The following TMEM42 variants were observed in gnomAD, a reference collection of about 807,000 sequenced individuals.
TMEM42 encodes the protein transmembrane protein 42.
TMEM42 carries 8 observed loss-of-function variants against 14.0 expected under a neutral mutation model. That is an observed-to-expected ratio of 0.57 (90% CI 0.34 to 1.03). The LOEUF (loss-of-function observed/expected upper bound fraction) is 1.03. Among genes scored for constraint, TMEM42 ranks in the 50% least tolerant of loss-of-function variants. TMEM42 has a pLI of 0.03. For synonymous variants in TMEM42, 115 were observed against 94.3 expected (o/e 1.22, Z -1.27); for missense variants, 211 against 219.8 (o/e 0.96, Z 0.25).
At chr3:44,864,864 C>A (rs1435063389) in intron 2 of TMEM42, among the ~76,000 whole-genome samples, 176 bp from the exon 3 acceptor site, 2 of 152,150 alleles carry the variant, frequency 1.3e-5, no homozygotes, top group Non-Finnish European at 2.9e-5. Flanking sequence ...CCTCTCCACT[C>A]ATGCAGGGGA....
intron 1 of TMEM42, 87 bp from the exon 2 acceptor site, chr3:44,864,110 A>C (rs955362109): frequency 1.2e-5 from 18 of 1,563,650 alleles, no homozygotes; most frequent in Non-Finnish European, 1.6e-5. Context: ...CCTGGGTGCC[A>C]GCAACCACAG....
In TMEM42 at chr3:44,861,912, G is replaced by A. The variant is rs1012019453; in HGVS notation, c.-13G>A. 2.0e-6 allele frequency: 3 copies of A among 1,482,996 alleles called. No homozygotes were observed. The highest frequency in any genetic ancestry group is 2.7e-6 in the Non-Finnish European group (3 of 1,120,600). 91.9% of individuals were successfully genotyped at this position (1,482,996 alleles called of 1,614,324 possible). ...GCGGGCAGCGGGTGCCAGGCACGGT[G>A]TCAGCAGGCAACATGGCCGAGAGGC... On this transcript the variant is annotated 5_prime_UTR_variant, in exon 1 of 3. Transcript: ENST00000302392.
rs778595547 is a variant in TMEM42, at chr3:44,862,080, G to GGCCGCC, written c.160_165dup (p.Ala54_Ala55dup). On this transcript the variant is annotated inframe_insertion, in exon 1 of 3. Coordinates refer to ENST00000302392, the MANE Select transcript of TMEM42 (RefSeq NM_144638.3). ...TGTGCGCCGGCGCGTTCGGGGCCCT[G>GGCCGCC]GCCGCCGCCTCCGCCAAGCTGGCCT... The GGCCGCC allele has an allele frequency of 3.1e-6, 4 of 1,297,938 alleles. No individual in the cohort carries two copies. In the South Asian group the frequency reaches 1.1e-4, roughly 35 times the overall value. The allele number at this position is 1,297,938 out of a possible 1,614,324, so 80.4% of individuals were successfully genotyped here.
At chr3:44,864,024 C>A (rs1699292761) in intron 1 of TMEM42, 173 bp from the exon 2 acceptor site, 5 of 646,192 alleles carry the variant, frequency 7.7e-6, no homozygotes, top group Middle Eastern at 4.4e-4. Context: ...GGGTCTGCTG[C>A]CCACTGAGGG....
In TMEM42 at chr3:44,861,964, G is replaced by C. The variant is rs1480331391; in HGVS notation, c.40G>C (p.Ala14Pro). The change falls in exon 1 of 3, where the codon GCG becomes CCG. Residue 14 changes from alanine to proline, a missense_variant. Ala to Pro is a conservative substitution (Grantham distance 27). Coordinates refer to ENST00000302392, the MANE Select transcript of TMEM42 (RefSeq NM_144638.3). ...GGGGCCTCCGGGCGGCGCCGTGTCC[G>C]CGACCGCGTACCCTGACACCCCCGC... ...RPGPPGGAVSATAYPDTPAEF... is the reference protein window; with the variant it reads ...RPGPPGGAVSPTAYPDTPAEF... The C allele has an allele frequency of 7.1e-7, 1 of 1,399,812 alleles. No homozygotes were observed. The highest frequency in any genetic ancestry group is 3.0e-5 in the East Asian group (1 of 32,894). 86.7% of individuals were successfully genotyped at this position (1,399,812 alleles called of 1,614,324 possible). A position where few individuals can be genotyped will look rare whatever the true frequency, so the allele number is the denominator to read the frequency against.
chr3:44,864,715 G>A (rs1163305551), intron 2 of TMEM42, among the ~76,000 whole-genome samples: 3 of 152,152 alleles, frequency 2.0e-5, no homozygotes, highest in African/African-American at 7.2e-5. Context: ...GTAGTCTGAG[G>A]TTGACAAGAT....
chr3:44,865,234 G>T lies in TMEM42; in HGVS notation c.*54G>T. ...AAGATCATGATGGTGGCCCAGCCTT[G>T]GGATGTCATGTGGGACTGTATCCTA... On this transcript the variant is annotated 3_prime_UTR_variant, in exon 3 of 3. Coordinates refer to ENST00000302392, the MANE Select transcript of TMEM42 (RefSeq NM_144638.3). 6.2e-7 allele frequency: 1 copy of T among 1,611,128 alleles called. No individual in the cohort carries two copies. Among genetic ancestry groups the T allele is most frequent in the Non-Finnish European group, 8.5e-7 (1 of 1,177,654 alleles).
At position 44,865,415 on chromosome 3, in the gene TMEM42, G is replaced by A. The variant is rs534499420; in HGVS notation, c.*235G>A. 2 of 528,402 alleles carry A rather than the reference G, an allele frequency of 3.8e-6. No homozygotes were observed. The highest frequency in any genetic ancestry group is 6.0e-5 in the East Asian group (2 of 33,452). The allele number at this position is 528,402 out of a possible 1,614,324, so 32.7% of individuals were successfully genotyped here. ...CAGTGCTTTGGATTCTTCCTCCCAG[G>A]CCTACCCCAGTGAGCCTTCGCAGAT... is the stretch of plus-strand genomic sequence containing the variant. On this transcript the variant is annotated 3_prime_UTR_variant, in exon 3 of 3. Transcript: ENST00000302392.
rs1699305826 is a variant in TMEM42 at position 44,865,030 on chromosome 3, T to C, written c.340-10T>C. The C allele has an allele frequency of 6.2e-7, 1 of 1,613,952 alleles. No homozygotes were observed. Among genetic ancestry groups the C allele is most frequent in the East Asian group, 2.2e-5 (1 of 44,874 alleles). On this transcript the variant is annotated splice_polypyrimidine_tract_variant and intron_variant, in intron 2 of 2. Coordinates refer to ENST00000302392, the MANE Select transcript of TMEM42 (RefSeq NM_144638.3). ...AAGTTGAGTCCCTCACAGCTATCTT[T>C]GTCTCGCAGGCCTTCCTGGGCTATG...
In TMEM42 at chr3:44,864,190, C is replaced by T; in HGVS notation, c.193-7C>T. The T allele has an allele frequency of 6.2e-7, 1 of 1,613,742 alleles. No homozygotes were observed. The highest frequency in any genetic ancestry group is 8.5e-7 in the Non-Finnish European group (1 of 1,179,962). On this transcript the variant is annotated splice_polypyrimidine_tract_variant and splice_region_variant and intron_variant, in intron 1 of 2. Transcript: ENST00000302392. ...GGACGTGGCTGCAGTGACACTTTCT[C>T]CTGCAGGTGAGCATGGGTTTATGCG...
At chr3:44,862,945 A>G (rs1300188696) in intron 1 of TMEM42, 9 of 152,046 alleles carry the variant, frequency 5.9e-5, no homozygotes, top group Non-Finnish European at 1.3e-4. Context: ...ATAACTTTGT[A>G]TGGGCCGTGA....
intron 1 of TMEM42, chr3:44,862,757 C>T (rs1195134000): frequency 6.6e-6 from 1 of 152,020 alleles, no homozygotes; most frequent in East Asian, 1.9e-4. Context: ...AGACCAGCCT[C>T]TGCTTGCTAT....
At chr3:44,862,638 A>G (rs1699271048) in intron 1 of TMEM42, 1 of 152,300 alleles carries the variant, frequency 6.6e-6, no homozygotes, top group South Asian at 2.1e-4. Flanking sequence ...CTGTAGGCAT[A>G]AGAGGATACT....
intron 2 of TMEM42, 123 bp from the exon 3 acceptor site, chr3:44,864,917 A>C: frequency 7.5e-7 from 1 of 1,325,956 alleles, no homozygotes; most frequent in South Asian, 1.4e-5. Flanking sequence ...CTAGGTTTCA[A>C]GCCCAAGGCT....
rs915069365 is a variant in TMEM42, at chr3:44,865,398, T to C, written c.*218T>C. ...TGTTTTGATCATCTGTACAGTGCTT[T>C]GGATTCTTCCTCCCAGGCCTACCCC... On this transcript the variant is annotated 3_prime_UTR_variant, in exon 3 of 3. Coordinates refer to ENST00000302392, the MANE Select transcript of TMEM42 (RefSeq NM_144638.3). 6.9e-6 allele frequency: 4 copies of C among 581,828 alleles called. No homozygotes were observed. In the Admixed American group the frequency reaches 1.2e-4, roughly 18 times the overall value. 36.0% of individuals were successfully genotyped at this position (581,828 alleles called of 1,614,324 possible).
intron 1 of TMEM42, 106 bp from the exon 2 acceptor site, chr3:44,864,091 C>T: frequency 1.4e-6 from 2 of 1,428,562 alleles, no homozygotes; most frequent in Non-Finnish European, 1.9e-6. Flanking sequence ...AGTGGGAGCT[C>T]AGTAGGAGCC....
intron 2 of TMEM42, among the ~76,000 whole-genome samples, chr3:44,864,773 G>C (rs959236212): frequency 6.6e-6 from 1 of 152,168 alleles, no homozygotes; most frequent in Admixed American, 6.5e-5. Context: ...CAAATACCAT[G>C]TACCTGCTGT....
In TMEM42 at chr3:44,863,304, C is replaced by CCCA. The variant is rs1553668739; in HGVS notation, c.193-891_193-890insACC. The CCCA allele has an allele frequency of 5.9e-5, 6 of 101,480 alleles. 2 individuals are homozygous for CCCA. The East Asian group carries it at 3.6e-3, about 61-fold the overall frequency. The allele number at this position is 101,480 out of a possible 1,614,324, so 6.3% of individuals were successfully genotyped here. On this transcript the variant is annotated intron_variant, in intron 1 of 2. Coordinates refer to ENST00000302392, the MANE Select transcript of TMEM42 (RefSeq NM_144638.3). ...ATAAGTATATTTAGATTCCGCACCCCCCCCCCCCGCCGCCTTGTCTCCAGG... is the reference window on the plus strand; with the variant it reads ...ATAAGTATATTTAGATTCCGCACCCCCCACCCCCCCCGCCGCCTTGTCTCCAGG...
At chr3:44,863,300 A>ACCCCCACCCCCCCCCCCCC (rs1699280600) in intron 1 of TMEM42, 1 of 35,060 alleles carries the variant, frequency 2.9e-5, no homozygotes, top group Non-Finnish European at 5.8e-5. Flanking sequence ...TAGATTCCGC[A>ACCCCCACCCCCCCCCCCCC]CCCCCCCCCC....
Sources: allele counts gnomAD v4.1 joint callset (sites outside exome capture counted in the v4.1 genomes callset), GRCh38; gene constraint gnomAD v4.1.1; transcripts MANE v1.5; gene names NCBI Gene and HGNC (gene_info 2026-07-23, HGNC 2026-07-21).